ARHGAP17: variants seen among roughly 807,000 people sequenced by gnomAD.
ARHGAP17 encodes rho GTPase-activating protein 17.
In ARHGAP17, 57 loss-of-function variants were observed where a neutral mutation model predicts 99.5. The observed-to-expected ratio is 0.57, with a 90% confidence interval of 0.46 to 0.71. The LOEUF (loss-of-function observed/expected upper bound fraction) is 0.71, where lower values mean the gene tolerates loss of function less well. ARHGAP17 is among the 30% of genes least tolerant of loss of function. ARHGAP17 has a pLI of 0.00. For synonymous variants in ARHGAP17, 417 were observed against 429.6 expected (o/e 0.97, Z 0.36); for missense variants, 1,000 against 1,122.4 (o/e 0.89, Z 1.56).
rs182579680 is a variant in ARHGAP17 at position 24,945,306 on chromosome 16, A to G, written c.1242-1444T>C. On this transcript the variant is annotated intron_variant, in intron 14 of 19. Transcript: ENST00000289968. The stretch of plus-strand genomic sequence containing the variant: ...CCACTGCACTCCAGCCTGGAGAACA[A>G]AGCGAGAACTTGTCTCAAAAAAAAA... Among the ~76,000 whole-genome samples, 610 of 151,960 alleles carry G rather than the reference A, an allele frequency of 4.0e-3. 3 individuals are homozygous for G. Among genetic ancestry groups the G allele is most frequent in the Middle Eastern group, 0.017 (5 of 294 alleles).
At chr16:24,974,679 A>G (rs2052465141) in intron 3 of ARHGAP17, among the ~76,000 whole-genome samples, 1 of 152,174 alleles carries the variant, frequency 6.6e-6, no homozygotes, top group Admixed American at 6.5e-5. Context: ...TGGAAAGGAA[A>G]TTACAGACAG....
At position 24,952,969 on chromosome 16, in the gene ARHGAP17, T is replaced by A; in HGVS notation, c.926A>T (p.His309Leu). The A allele has an allele frequency of 6.2e-7, 1 of 1,614,116 alleles. No individual in the cohort carries two copies. The highest frequency in any genetic ancestry group is 1.1e-5 in the South Asian group (1 of 91,076). Residue 309 changes from histidine to leucine, a missense_variant, in exon 11 of 20, where the codon CAC becomes CTC. Transcript: ENST00000289968. ...GGGGTCTGAATAGAACTCATCCAGG[T>A]GAGAAGTAGAACAGTCCAAAGCAGC... The part of the protein sequence containing the change: ...LKAALDCSTS[H>L]LDEFYSDPHA...
intron 19 of ARHGAP17, 187 bp from the exon 20 acceptor site, chr16:24,920,447 G>A: frequency 4.8e-6 from 3 of 624,220 alleles, no homozygotes; most frequent in South Asian, 3.9e-5. Flanking sequence ...GAGGGCAGCT[G>A]AGTAGCACAG....
chr16:24,952,110 A>C (rs975870854), intron 12 of ARHGAP17, among the ~76,000 whole-genome samples, 179 bp downstream of exon 12: 10 of 152,016 alleles, frequency 6.6e-5, no homozygotes, highest in Non-Finnish European at 1.5e-5. Context: ...ACTTTCCTAC[A>C]CTAATAATTA....
At chr16:24,940,875 G>C (rs189589836) in intron 16 of ARHGAP17, among the ~76,000 whole-genome samples, 1 of 152,160 alleles carries the variant, frequency 6.6e-6, no homozygotes, top group Admixed American at 6.5e-5. Context: ...TCTTGAGCTC[G>C]TGCTTACTGG....
intron 17 of ARHGAP17, among the ~76,000 whole-genome samples, chr16:24,938,740 C>A (rs2051213934): frequency 6.7e-6 from 1 of 150,110 alleles, no homozygotes; most frequent in African/African-American, 2.5e-5. Flanking sequence ...CCACTGCACT[C>A]CAGCCTGGGC....
intron 6 of ARHGAP17, among the ~76,000 whole-genome samples, chr16:24,964,866 T>C (rs1231114328): frequency 6.6e-6 from 1 of 152,046 alleles, no homozygotes; most frequent in African/African-American, 2.4e-5. Context: ...CCCAACACTT[T>C]GGGAGGCTAA....
At chr16:24,937,159 C>T (rs998918397) in intron 17 of ARHGAP17, among the ~76,000 whole-genome samples, 2 of 149,760 alleles carry the variant, frequency 1.3e-5, no homozygotes, top group Non-Finnish European at 3.0e-5. Flanking sequence ...CAGTAGCTCA[C>T]GCCTGTAATC....
intron 1 of ARHGAP17, among the ~76,000 whole-genome samples, chr16:25,004,394 T>C (rs1471938635): frequency 1.3e-5 from 2 of 152,166 alleles, no homozygotes; most frequent in Non-Finnish European, 2.9e-5. Context: ...ACTCACTGTA[T>C]CTGGTGAAGT....
At chr16:24,987,538 G>C (rs188146506) in intron 1 of ARHGAP17, among the ~76,000 whole-genome samples, 221 of 152,128 alleles carry the variant, frequency 1.5e-3, no homozygotes, top group Non-Finnish European at 1.6e-3. Context: ...CAAGACTTTT[G>C]CCAAATTGCT....
chr16:24,965,246 G>A (rs1435473666), intron 6 of ARHGAP17, among the ~76,000 whole-genome samples: 6 of 152,138 alleles, frequency 3.9e-5, no homozygotes, highest in African/African-American at 1.2e-4. Context: ...CGAGGTGGGC[G>A]GATCATGAGG....
chr16:24,958,768 C>T (rs556440552), intron 9 of ARHGAP17, among the ~76,000 whole-genome samples: 1 of 152,206 alleles, frequency 6.6e-6, no homozygotes, highest in Non-Finnish European at 1.5e-5. Context: ...ACAACACACA[C>T]AGACACATGC....
At chr16:24,993,934 A>G (rs935853732) in intron 1 of ARHGAP17, among the ~76,000 whole-genome samples, 1 of 152,206 alleles carries the variant, frequency 6.6e-6, no homozygotes, top group Non-Finnish European at 1.5e-5. Flanking sequence ...ACATTTTGAA[A>G]CCTTCCAAAC....
At chr16:24,940,393 G>A (rs543421545) in intron 16 of ARHGAP17, among the ~76,000 whole-genome samples, 1 of 152,226 alleles carries the variant, frequency 6.6e-6, no homozygotes, top group East Asian at 1.9e-4. Flanking sequence ...ACATGTGAAA[G>A]GTACATAAGG....
intron 1 of ARHGAP17, among the ~76,000 whole-genome samples, chr16:25,013,583 C>T (rs890356131): frequency 2.6e-5 from 4 of 151,596 alleles, no homozygotes; most frequent in Non-Finnish European, 5.9e-5. Context: ...GATCGCACCA[C>T]TGCACCCCAG....
chr16:24,973,680 C>T (rs572650857), intron 3 of ARHGAP17, among the ~76,000 whole-genome samples: 119 of 152,304 alleles, frequency 7.8e-4, no homozygotes, highest in Admixed American at 6.9e-3. Context: ...ATTCTGGGCC[C>T]CCCATAAAAC....
At chr16:24,973,897 G>T (rs928424781) in intron 3 of ARHGAP17, among the ~76,000 whole-genome samples, 1 of 152,236 alleles carries the variant, frequency 6.6e-6, no homozygotes. Context: ...AACTGTGAGG[G>T]ACAGTGACAT....
intron 19 of ARHGAP17, among the ~76,000 whole-genome samples, chr16:24,926,234 C>T (rs1322424092): frequency 3.9e-5 from 6 of 151,936 alleles, no homozygotes. Flanking sequence ...CTTATTATTT[C>T]CATTTCTCAA....
intron 10 of ARHGAP17, 130 bp from the exon 11 acceptor site, chr16:24,953,172 C>T: frequency 1.3e-6 from 1 of 768,360 alleles, no homozygotes; most frequent in East Asian, 2.7e-5. Context: ...TACTGCCTGC[C>T]CTGCAGGGCT....
Sources: allele counts gnomAD v4.1 joint callset (sites outside exome capture counted in the v4.1 genomes callset), GRCh38; gene constraint gnomAD v4.1.1; transcripts MANE v1.5; gene names NCBI Gene and HGNC (gene_info 2026-07-23, HGNC 2026-07-21).